DLGAP2: variants seen among roughly 807,000 people sequenced by gnomAD.
DLGAP2 encodes the protein DLG associated protein 2.
A neutral mutation model predicts 100.3 loss-of-function variants in DLGAP2; 26 were observed. That is an observed-to-expected ratio of 0.26 (90% CI 0.19 to 0.36). The LOEUF (loss-of-function observed/expected upper bound fraction) is 0.36, where lower values mean the gene tolerates loss of function less well. DLGAP2 is among the 10% of genes least tolerant of loss of function. The probability of loss-of-function intolerance (pLI) is 1.00; values close to 1 mark genes in which losing one functional copy is unlikely to be tolerated. For synonymous variants in DLGAP2, 886 were observed against 630.1 expected (o/e 1.41, Z -6.08); for missense variants, 1,858 against 1,453.2 (o/e 1.28, Z -4.53).
At chr8:1,444,962 G>A (rs1485921027) in intron 3 of DLGAP2, among the ~76,000 whole-genome samples, 2 of 151,462 alleles carry the variant, frequency 1.3e-5, no homozygotes, top group Non-Finnish European at 2.9e-5. Flanking sequence ...AGTAGAGACA[G>A]GGTTTCACCG....
chr8:1,202,878 G>C (rs1272734926), intron 2 of DLGAP2, among the ~76,000 whole-genome samples: 4 of 152,360 alleles, frequency 2.6e-5, no homozygotes, highest in African/African-American at 9.6e-5. Context: ...ATCAGCCGCT[G>C]CCCACCGACC....
rs1798249590 is a variant in DLGAP2 at position 1,218,183 on chromosome 8, A to G, written c.74-40668A>G. On this transcript the variant is annotated intron_variant, in intron 2 of 14. Coordinates refer to ENST00000637795, the MANE Select transcript of DLGAP2 (RefSeq NM_001346810.2). ...TTGCCAACACTATGTTCAGAATGGT[A>G]TTTTCTAGGTTCTCTTCCAGATTTT... Among the ~76,000 whole-genome samples the G allele has an allele frequency of 3.3e-5, 5 of 152,202 alleles. 1 individual carries two copies. In the South Asian group the frequency reaches 1.0e-3, roughly 32 times the overall value.
chr8:784,400 AAT>A (rs1462201587), intron 1 of DLGAP2, among the ~76,000 whole-genome samples: 1 of 152,212 alleles, frequency 6.6e-6, no homozygotes, highest in Non-Finnish European at 1.5e-5. Flanking sequence ...TTTAAGCTTA[AAT>A]ATATGTTACA....
At chr8:1,655,447 A>C (rs529770537) in intron 8 of DLGAP2, among the ~76,000 whole-genome samples, 1 of 152,208 alleles carries the variant, frequency 6.6e-6, no homozygotes, top group African/African-American at 2.4e-5. Flanking sequence ...TAGAATGGCA[A>C]TGCTTGCCAT....
intron 2 of DLGAP2, among the ~76,000 whole-genome samples, chr8:1,064,139 G>T (rs1339342882): frequency 6.6e-6 from 1 of 152,204 alleles, no homozygotes; most frequent in Non-Finnish European, 1.5e-5. Flanking sequence ...AATGGCTGGT[G>T]GGGCGGTGTG....
intron 3 of DLGAP2, among the ~76,000 whole-genome samples, chr8:1,482,249 T>C (rs576372386): frequency 4.1e-4 from 63 of 152,330 alleles, no homozygotes; most frequent in African/African-American, 1.5e-3. Context: ...TGTTTCTCTT[T>C]TAAAAGAAAC....
intron 8 of DLGAP2, among the ~76,000 whole-genome samples, chr8:1,661,571 A>T (rs962140886): frequency 6.6e-6 from 1 of 152,220 alleles, no homozygotes; most frequent in Non-Finnish European, 1.5e-5. Context: ...GTAACCATGT[A>T]TGGGAAAACA....
At chr8:1,111,707 C>T (rs928078017) in intron 2 of DLGAP2, among the ~76,000 whole-genome samples, 6 of 152,130 alleles carry the variant, frequency 3.9e-5, no homozygotes, top group African/African-American at 1.4e-4. Context: ...GCCTCCAGCT[C>T]CATCCATGTT....
chr8:1,295,182 A>G (rs1366415493), intron 3 of DLGAP2, among the ~76,000 whole-genome samples: 2 of 152,182 alleles, frequency 1.3e-5, no homozygotes, highest in African/African-American at 4.8e-5. Flanking sequence ...CTTGCAGCAG[A>G]CAGACATGGC....
chr8:1,666,059 A>C (rs1400425740), intron 8 of DLGAP2, among the ~76,000 whole-genome samples: 1 of 152,172 alleles, frequency 6.6e-6, no homozygotes, highest in Non-Finnish European at 1.5e-5. Context: ...GCAGTCCCCA[A>C]CGCGTCCCAC....
At chr8:903,984 G>T (rs998460888) in intron 1 of DLGAP2, among the ~76,000 whole-genome samples, 2 of 152,232 alleles carry the variant, frequency 1.3e-5, no homozygotes, top group African/African-American at 4.8e-5. Context: ...GGCGTGGCCG[G>T]GCCTGGGCCT....
chr8:813,207 A>T (rs1796403245), intron 1 of DLGAP2, among the ~76,000 whole-genome samples: 1 of 152,036 alleles, frequency 6.6e-6, no homozygotes, highest in African/African-American at 2.4e-5. Flanking sequence ...ACCTATTGTG[A>T]TCTACAGTTT....
At chr8:1,530,245 A>T in intron 4 of DLGAP2, among the ~76,000 whole-genome samples, 1 of 152,154 alleles carries the variant, frequency 6.6e-6, no homozygotes, top group Non-Finnish European at 1.5e-5. Context: ...GCTGTTTATA[A>T]GCCTATACCT....
chr8:1,017,610 C>T (rs1277915475), intron 2 of DLGAP2, among the ~76,000 whole-genome samples: 17 of 141,120 alleles, frequency 1.2e-4, no homozygotes, highest in African/African-American at 3.5e-4. Flanking sequence ...CCAGGACAGA[C>T]GGCGCCTCCA....
At position 922,641 on chromosome 8, in the gene DLGAP2, C is replaced by T. The variant is rs115471189; in HGVS notation, c.73+14675C>T. On this transcript the variant is annotated intron_variant, in intron 2 of 14. Coordinates refer to ENST00000637795, the MANE Select transcript of DLGAP2 (RefSeq NM_001346810.2). ...AGCTTTGATTATTTGCAACCATGAA[C>T]CATATCTAATAGAAATAGTTTTACT... 5.9e-3 allele frequency among the ~76,000 whole-genome samples: 891 copies of T among 152,248 alleles called. 14 individuals carry two copies. The highest frequency in any genetic ancestry group is 0.021 in the African/African-American group (864 of 41,536).
intron 1 of DLGAP2, among the ~76,000 whole-genome samples, chr8:772,639 C>T (rs1368339194): frequency 2.0e-5 from 3 of 152,174 alleles, no homozygotes; most frequent in Non-Finnish European, 4.4e-5. Flanking sequence ...GAGTATTTTA[C>T]TGTCTTTTCT....
At position 742,006 on chromosome 8, in the gene DLGAP2, G is replaced by A. The variant is rs560161083; in HGVS notation, c.18+4181G>A. Among the ~76,000 whole-genome samples the A allele has an allele frequency of 2.0e-5, 3 of 152,338 alleles. No homozygotes were observed. In the East Asian group the frequency reaches 5.8e-4, roughly 29 times the overall value. Reference sequence around the variant, plus strand: ...GCTGTTATGCAGAGAGCTTGGTCCTGAGGATGCTGTTGGAAGCTCTGAACT... The same window carrying A: ...GCTGTTATGCAGAGAGCTTGGTCCTAAGGATGCTGTTGGAAGCTCTGAACT... On this transcript the variant is annotated intron_variant, in intron 1 of 14. Transcript: ENST00000637795.
At chr8:1,638,960 T>G (rs1797833647) in intron 8 of DLGAP2, among the ~76,000 whole-genome samples, 1 of 152,102 alleles carries the variant, frequency 6.6e-6, no homozygotes, top group Non-Finnish European at 1.5e-5. Context: ...GGAGTGCAGG[T>G]AAAAGAAGGG....
At chr8:885,225 C>T (rs1563079191) in intron 1 of DLGAP2, among the ~76,000 whole-genome samples, 2 of 152,176 alleles carry the variant, frequency 1.3e-5, no homozygotes, top group Non-Finnish European at 2.9e-5. Flanking sequence ...GCAGTACGGC[C>T]ATTTTCACAG....
Sources: allele counts gnomAD v4.1 joint callset (sites outside exome capture counted in the v4.1 genomes callset), GRCh38; gene constraint gnomAD v4.1.1; transcripts MANE v1.5; gene names NCBI Gene and HGNC (gene_info 2026-07-23, HGNC 2026-07-21).